Variants in ADGB observed in about 807,000 individuals in gnomAD.
ADGB encodes the protein calpain-7-like protein.
ADGB carries 172 observed loss-of-function variants against 210.5 expected under a neutral mutation model. That is an observed-to-expected ratio of 0.82 (90% CI 0.72 to 0.93). ADGB has a LOEUF of 0.93. ADGB is among the 40% of genes least tolerant of loss of function. The pLI, the probability that ADGB is intolerant of heterozygous loss-of-function variation, is 0.00. For missense variants in ADGB, 2,025 were observed against 1,964.8 expected (o/e 1.03, Z -0.58); for synonymous variants, 658 against 662.7 (o/e 0.99, Z 0.11).
intron 35 of ADGB, among the ~76,000 whole-genome samples, chr6:146,804,548 T>G (rs1778182214): frequency 6.6e-6 from 1 of 152,106 alleles, no homozygotes; most frequent in Admixed American, 6.5e-5. Flanking sequence ...AAGCAGAGAC[T>G]ATGGAGATAT....
intron 12 of ADGB, among the ~76,000 whole-genome samples, chr6:146,693,550 A>C (rs28379175): frequency 2.6e-5 from 4 of 152,170 alleles, no homozygotes; most frequent in Non-Finnish European, 4.4e-5. Context: ...CAGCCCGAGC[A>C]AACAAATACG....
chr6:146,807,837 CTA>C (rs1335149124), intron 35 of ADGB: 1 of 240,184 alleles, frequency 4.2e-6, no homozygotes, highest in African/African-American at 2.3e-5. Flanking sequence ...GTTTGACACT[CTA>C]AACTGCCTGC....
chr6:146,699,623 T>C (rs1776460096), intron 12 of ADGB, among the ~76,000 whole-genome samples: 1 of 152,140 alleles, frequency 6.6e-6, no homozygotes, highest in South Asian at 2.1e-4. Context: ...ACTGGTCATC[T>C]AGGCAGCCCT....
At chr6:146,692,241 C>T (rs557725635) in intron 11 of ADGB, among the ~76,000 whole-genome samples, 15 of 152,088 alleles carry the variant, frequency 9.9e-5, no homozygotes, top group African/African-American at 3.6e-4. Context: ...TGTTTAATTT[C>T]ATTGTTCACC....
At chr6:146,652,587 C>T (rs530229789) in intron 3 of ADGB, among the ~76,000 whole-genome samples, 11 of 152,162 alleles carry the variant, frequency 7.2e-5, no homozygotes, top group African/African-American at 2.6e-4. Flanking sequence ...AAAAAAGTTA[C>T]AATTTGTATT....
intron 1 of ADGB, among the ~76,000 whole-genome samples, chr6:146,603,951 C>A (rs896767712): frequency 1.3e-5 from 2 of 152,128 alleles, no homozygotes; most frequent in African/African-American, 2.4e-5. Context: ...AGAAAAGAAA[C>A]CTCCCCAGAG....
intron 33 of ADGB, among the ~76,000 whole-genome samples, chr6:146,799,569 A>ATG (rs1778095399): frequency 7.1e-6 from 1 of 140,352 alleles, no homozygotes; most frequent in Non-Finnish European, 1.5e-5. Context: ...GAAGGAAGGA[A>ATG]TGCAGGCAGG....
chr6:146,605,238 G>C (rs1256456288), intron 1 of ADGB, among the ~76,000 whole-genome samples: 1 of 152,090 alleles, frequency 6.6e-6, no homozygotes, highest in Non-Finnish European at 1.5e-5. Context: ...TGAGATAATG[G>C]GAGAATGCGT....
intron 1 of ADGB, among the ~76,000 whole-genome samples, chr6:146,609,474 C>T (rs558934533): frequency 6.6e-6 from 1 of 152,112 alleles, no homozygotes; most frequent in Non-Finnish European, 1.5e-5. Context: ...AATGGTAGAC[C>T]TTATTGTGTA....
intron 27 of ADGB, among the ~76,000 whole-genome samples, chr6:146,757,148 ATATT>A (rs1777419389): frequency 6.6e-6 from 1 of 152,066 alleles, no homozygotes; most frequent in Non-Finnish European, 1.5e-5. Context: ...TTTATAAAAC[ATATT>A]TACTTTTACC....
At chr6:146,600,946 A>G (rs1487283516) in intron 1 of ADGB, among the ~76,000 whole-genome samples, 1 of 151,748 alleles carries the variant, frequency 6.6e-6, no homozygotes, top group Non-Finnish European at 1.5e-5. Flanking sequence ...ACACACACAC[A>G]CACACACACA....
intron 2 of ADGB, among the ~76,000 whole-genome samples, chr6:146,640,599 G>A (rs1775497685): frequency 6.6e-6 from 1 of 151,960 alleles, no homozygotes; most frequent in African/African-American, 2.4e-5. Context: ...ATGCAAGGTT[G>A]GCTCAACATA....
chr6:146,726,178 T>C lies in ADGB; in HGVS notation c.2333T>C (p.Val778Ala). ...TTTGTCATTGGGGATGAACACGTTGTACTGCCCAACTTTGAACCAGTAAGT... is the reference window on the plus strand; with the variant it reads ...TTTGTCATTGGGGATGAACACGTTGCACTGCCCAACTTTGAACCAGTAAGT... ...VSFVIGDEHV[V>A]LPNFEPESCR... Residue 778 changes from valine to alanine, a missense_variant, in exon 19 of 36, where the codon GTA becomes GCA. By Grantham distance (64) the Val-to-Ala change is moderately conservative. Coordinates refer to ENST00000397944, the MANE Select transcript of ADGB (RefSeq NM_024694.4). 3 of 1,547,486 alleles carry C rather than the reference T, an allele frequency of 1.9e-6. No individual in the cohort carries two copies. The East Asian group carries it at 7.4e-5, about 38-fold the overall frequency.
intron 16 of ADGB, among the ~76,000 whole-genome samples, chr6:146,720,379 T>G (rs531206899): frequency 3.9e-5 from 6 of 152,164 alleles, no homozygotes; most frequent in South Asian, 4.1e-4. Flanking sequence ...TAATGTATAA[T>G]TAGATACATT....
chr6:146,728,723 A>G lies in ADGB; in HGVS notation c.2502A>G (p.Leu834=). Residue 834 remains leucine, a synonymous_variant, in exon 20 of 36, where the codon CTA becomes CTG. Coordinates refer to ENST00000397944, the MANE Select transcript of ADGB (RefSeq NM_024694.4). ...CTGTCCCCTTCCATGATAAAGAACT[A>G]ACTGCACAGCACTTCAGGGTAAGCT... ...HYPVPFHDKE[L]TAQHFRVFHL... is the part of the protein sequence containing the mutation. 1 of 1,550,062 alleles carries G rather than the reference A, an allele frequency of 6.5e-7. No homozygotes were observed. The highest frequency in any genetic ancestry group is 8.7e-7 in the Non-Finnish European group (1 of 1,145,910).
intron 29 of ADGB, among the ~76,000 whole-genome samples, chr6:146,773,650 G>T (rs767447752): frequency 1.3e-5 from 2 of 152,158 alleles, no homozygotes; most frequent in South Asian, 4.1e-4. Context: ...TAGATGCTAT[G>T]AATAATTTGC....
chr6:146,736,669 T>C (rs2114592368), intron 23 of ADGB, 78 bp downstream of exon 23: 2 of 901,550 alleles, frequency 2.2e-6, no homozygotes, highest in East Asian at 5.5e-5. Context: ...ACCATATTTG[T>C]TGAGAGCGCC....
chr6:146,719,951 A>G (rs141170523), intron 16 of ADGB, among the ~76,000 whole-genome samples: 155 of 152,362 alleles, frequency 1.0e-3, no homozygotes, highest in Non-Finnish European at 1.9e-3. Context: ...CATTTAAGTC[A>G]TGATTGCATT....
At chr6:146,811,161 AC>A (rs1778297067) in intron 35 of ADGB, among the ~76,000 whole-genome samples, 1 of 152,142 alleles carries the variant, frequency 6.6e-6, no homozygotes, top group Non-Finnish European at 1.5e-5. Context: ...CAAAATACAC[AC>A]ATAGAAACAA....
Sources: allele counts gnomAD v4.1 joint callset (sites outside exome capture counted in the v4.1 genomes callset), GRCh38; gene constraint gnomAD v4.1.1; transcripts MANE v1.5; gene names NCBI Gene and HGNC (gene_info 2026-07-23, HGNC 2026-07-21).